DNAJC27: variants seen among roughly 807,000 people sequenced by gnomAD.
DNAJC27 encodes the protein DnaJ heat shock protein family (Hsp40) member C27.
Under a neutral mutation model 31.4 loss-of-function variants are expected in DNAJC27, and 25 were observed. The ratio of observed to expected loss-of-function variants is 0.80; its 90% confidence interval spans 0.58 to 1.11. DNAJC27 has a LOEUF of 1.11. Ranked by LOEUF, DNAJC27 falls within the 50% of genes most tolerant of loss-of-function variation. DNAJC27 has a pLI of 0.00. For synonymous variants in DNAJC27, 106 were observed against 112.7 expected (o/e 0.94, Z 0.37); for missense variants, 356 against 347.3 (o/e 1.02, Z -0.20).
intron 6 of DNAJC27, among the ~76,000 whole-genome samples, chr2:24,948,620 A>G (rs1665699731): frequency 1.3e-5 from 2 of 152,162 alleles, no homozygotes; most frequent in South Asian, 4.1e-4. Flanking sequence ...TGCTTCTCCA[A>G]TCCGGCGGTT....
intron 3 of DNAJC27, chr2:24,963,060 G>C (rs1666087888): frequency 4.6e-6 from 1 of 215,876 alleles, no homozygotes; most frequent in Non-Finnish European, 9.3e-6. Context: ...TGCTGTGAAA[G>C]AAGTCGCATC....
At chr2:24,962,520 T>G (rs966150031) in intron 3 of DNAJC27, among the ~76,000 whole-genome samples, 5 of 152,154 alleles carry the variant, frequency 3.3e-5, no homozygotes, top group African/African-American at 1.2e-4. Context: ...CCTCCCAAAG[T>G]GCTGGGATTA....
Position 24,967,219 on chromosome 2 carries a change from TCCATAGTCAATTC to T in DNAJC27, c.149_161del (p.Gly50GlufsTer39). 1 of 1,612,814 alleles carries T rather than the reference TCCATAGTCAATTC, an allele frequency of 6.2e-7. No individual in the cohort carries two copies. The highest frequency in any genetic ancestry group is 8.5e-7 in the Non-Finnish European group (1 of 1,178,854). ...GGAAACAATATACTTACTTTGTGAC[TCCATAGTCAATTC>T]CAATTGTTGCCAGGTATTTAGACAC... On this transcript the variant is annotated frameshift_variant, in exon 2 of 7. Transcript: ENST00000264711. LOFTEE classifies it high-confidence loss of function.
chr2:24,970,117 T>G (rs1666291233), intron 1 of DNAJC27, among the ~76,000 whole-genome samples: 1 of 152,246 alleles, frequency 6.6e-6, no homozygotes, highest in African/African-American at 2.4e-5. Flanking sequence ...GGAACTTTAT[T>G]TTTGTTGTAA....
chr2:24,953,676 G>A (rs902269712), intron 5 of DNAJC27: 3 of 257,394 alleles, frequency 1.2e-5, no homozygotes, highest in Admixed American at 6.5e-5. Context: ...CACAGTTCAC[G>A]GATGTTTGCT....
At chr2:24,948,552 C>A (rs1269013975) in intron 6 of DNAJC27, among the ~76,000 whole-genome samples, 4 of 152,084 alleles carry the variant, frequency 2.6e-5, no homozygotes, top group Non-Finnish European at 5.9e-5. Context: ...GCTCACGAGA[C>A]CAAAGAAGAA....
chr2:24,957,394 C>A (rs1383252156), intron 4 of DNAJC27, among the ~76,000 whole-genome samples: 2 of 152,200 alleles, frequency 1.3e-5, no homozygotes, highest in Non-Finnish European at 2.9e-5. Flanking sequence ...CAATGTCCCA[C>A]CTGATCCCTT....
chr2:24,969,101 C>A, intron 1 of DNAJC27: 1 of 179,900 alleles, frequency 5.6e-6, no homozygotes, highest in South Asian at 1.2e-4. Flanking sequence ...ATAACTACTT[C>A]TTAATTAAAT....
At position 24,971,952 on chromosome 2, in the gene DNAJC27, C is replaced by T. The variant is rs1309121820; in HGVS notation, c.-48G>A. On this transcript the variant is annotated 5_prime_UTR_variant, in exon 1 of 7. Coordinates refer to ENST00000264711, the MANE Select transcript of DNAJC27 (RefSeq NM_016544.3). Reference sequence around the variant, plus strand: ...CCCGCCTCGGTCTCTTCTTGTGCACCGCTGGCCCGTCCCTCAGGCCTCCTC... The same window carrying T: ...CCCGCCTCGGTCTCTTCTTGTGCACTGCTGGCCCGTCCCTCAGGCCTCCTC... 5 of 1,423,024 alleles carry T rather than the reference C, an allele frequency of 3.5e-6. No homozygotes were observed. Among genetic ancestry groups the T allele is most frequent in the Non-Finnish European group, 4.7e-6 (5 of 1,060,360 alleles). The allele number at this position is 1,423,024 out of a possible 1,614,324, so 88.1% of individuals were successfully genotyped here. A position where few individuals can be genotyped will look rare whatever the true frequency, so the allele number is the denominator to read the frequency against.
rs371054022 is a variant in DNAJC27, at chr2:24,958,129, A to G, written c.241-155T>C. Among the ~76,000 whole-genome samples the G allele has an allele frequency of 7.9e-5, 12 of 152,290 alleles. No homozygotes were observed. In the South Asian group the frequency reaches 2.3e-3, roughly 29 times the overall value. ...CTGGTCATTAGAGGGTTTTTTATAGAATCAAAGTAATGTCATTCTAAAAAT... is the reference window on the plus strand; with the variant it reads ...CTGGTCATTAGAGGGTTTTTTATAGGATCAAAGTAATGTCATTCTAAAAAT... On this transcript the variant is annotated intron_variant, in intron 3 of 6. Transcript: ENST00000264711.
rs561311242 is a variant in DNAJC27 at position 24,960,726 on chromosome 2, C to A, written c.240+2679G>T. ...CCACAACCTTCTCTTAAGCCAAAAC[C>A]TAATGCACAGCAAGTCTCTAACTCT... On this transcript the variant is annotated intron_variant, in intron 3 of 6. Coordinates refer to ENST00000264711, the MANE Select transcript of DNAJC27 (RefSeq NM_016544.3). Among the ~76,000 whole-genome samples the A allele has an allele frequency of 1.4e-4, 22 of 152,340 alleles. No homozygotes were observed. In the South Asian group the frequency reaches 3.9e-3, roughly 27 times the overall value.
rs1202642261 is a variant in DNAJC27, at chr2:24,946,628, C to CT, written c.*987dup. 3 of 152,158 alleles carry CT rather than the reference C, an allele frequency of 2.0e-5. No individual in the cohort carries two copies. The highest frequency in any genetic ancestry group is 7.2e-5 in the African/African-American group (3 of 41,414). The allele number at this position is 152,158 out of a possible 1,614,324, so 9.4% of individuals were successfully genotyped here. ...CAAGCTTGCCCCAAGCTTGGCTGGC[C>CT]TTTCCTCTGCTGATGTGCATAATCT... is the stretch of plus-strand genomic sequence containing the variant. On this transcript the variant is annotated 3_prime_UTR_variant, in exon 7 of 7. Transcript: ENST00000264711.
intron 5 of DNAJC27, 79 bp from the exon 6 acceptor site, chr2:24,951,633 CTT>C: frequency 7.8e-7 from 1 of 1,281,180 alleles, no homozygotes; most frequent in African/African-American, 1.5e-5. Flanking sequence ...ACTTAAAAGA[CTT>C]TTAATATATT....
chr2:24,958,663 T>C (rs1295414273), intron 3 of DNAJC27: 1 of 250,152 alleles, frequency 4.0e-6, no homozygotes, highest in African/African-American at 2.2e-5. Context: ...AATGAGATAA[T>C]GCAGGCAAAG....
At chr2:24,958,287 GTTC>G (rs1181467293) in intron 3 of DNAJC27, among the ~76,000 whole-genome samples, 1 of 152,122 alleles carries the variant, frequency 6.6e-6, no homozygotes, top group Non-Finnish European at 1.5e-5. Context: ...ATTATATAAA[GTTC>G]TTCTTAGGAA....
At chr2:24,958,347 T>C (rs1351506333) in intron 3 of DNAJC27, among the ~76,000 whole-genome samples, 1 of 152,198 alleles carries the variant, frequency 6.6e-6, no homozygotes, top group African/African-American at 2.4e-5. Context: ...AAGGCCAAAA[T>C]GACATAAGTG....
At chr2:24,954,958 G>A (rs567783637) in intron 5 of DNAJC27, among the ~76,000 whole-genome samples, 2 of 151,982 alleles carry the variant, frequency 1.3e-5, no homozygotes, top group Non-Finnish European at 2.9e-5. Context: ...AAAAACCAAC[G>A]GTCTTCTGAG....
At position 24,953,318 on chromosome 2, in the gene DNAJC27, C is replaced by T. The variant is rs146566997; in HGVS notation, c.529-1764G>A. Among the ~76,000 whole-genome samples the T allele has an allele frequency of 4.1e-3, 628 of 152,226 alleles. 2 individuals are homozygous for T. Among genetic ancestry groups the T allele is most frequent in the Non-Finnish European group, 5.3e-3 (358 of 68,020 alleles). ...TTAGCTAATCAACTTGGTAACCTAA[C>T]AAGAAGCCTTGACGTCTGAAAAGGG... On this transcript the variant is annotated intron_variant, in intron 5 of 6. Coordinates refer to ENST00000264711, the MANE Select transcript of DNAJC27 (RefSeq NM_016544.3).
Position 24,947,545 on chromosome 2 carries a change from C to A in DNAJC27, c.*71G>T. 6.6e-7 allele frequency: 1 copy of A among 1,519,508 alleles called. No individual in the cohort carries two copies. The highest frequency in any genetic ancestry group is 8.9e-7 in the Non-Finnish European group (1 of 1,121,596). 94.1% of individuals were successfully genotyped at this position (1,519,508 alleles called of 1,614,324 possible). The stretch of plus-strand genomic sequence containing the variant: ...TGAGATTCTGGGAAGGAAAACTCCA[C>A]GTTGGTTATTTCACCTCTAGGGAAA... On this transcript the variant is annotated 3_prime_UTR_variant, in exon 7 of 7. Coordinates refer to ENST00000264711, the MANE Select transcript of DNAJC27 (RefSeq NM_016544.3).
Sources: allele counts gnomAD v4.1 joint callset (sites outside exome capture counted in the v4.1 genomes callset), GRCh38; gene constraint gnomAD v4.1.1; transcripts MANE v1.5; gene names NCBI Gene and HGNC (gene_info 2026-07-23, HGNC 2026-07-21).